Variants in FGD6 observed in about 807,000 individuals in gnomAD.
FGD6 encodes the protein FYVE, RhoGEF and PH domain containing 6.
A neutral mutation model predicts 149.4 loss-of-function variants in FGD6; 90 were observed. The observed-to-expected ratio is 0.60, with a 90% CI of 0.51 to 0.72. The LOEUF is 0.72. Ranked by LOEUF, FGD6 falls within the 30% of genes least tolerant of loss-of-function variation. The probability of loss-of-function intolerance (pLI) is 0.00; values close to 1 mark genes in which losing one functional copy is unlikely to be tolerated. For missense variants in FGD6, 1,437 were observed against 1,684.8 expected, an observed-to-expected ratio of 0.85 and a Z score of 2.57; for synonymous variants, 527 against 584.0, an observed-to-expected ratio of 0.90 and a Z score of 1.41.
chr12:95,136,078 G>A (rs145508316), intron 7 of FGD6, among the ~76,000 whole-genome samples: 1,552 of 152,116 alleles, frequency 0.01, 28 homozygotes, highest in African/African-American at 0.035. Flanking sequence ...TTTTCATTTT[G>A]GTTGGGTGAG....
At chr12:95,148,076 C>A (rs1422729222) in intron 5 of FGD6, among the ~76,000 whole-genome samples, 1 of 152,012 alleles carries the variant, frequency 6.6e-6, no homozygotes, top group Non-Finnish European at 1.5e-5. Flanking sequence ...AAGAACAGTT[C>A]TCACATGAAA....
intron 6 of FGD6, among the ~76,000 whole-genome samples, chr12:95,141,174 G>C (rs994548818): frequency 1.3e-5 from 2 of 152,202 alleles, no homozygotes; most frequent in African/African-American, 4.8e-5. Flanking sequence ...AGTGAGCCGA[G>C]ATTGTGCCAC....
At chr12:95,181,179 A>C (rs1881272625) in intron 2 of FGD6, among the ~76,000 whole-genome samples, 1 of 152,204 alleles carries the variant, frequency 6.6e-6, no homozygotes, top group African/African-American at 2.4e-5. Context: ...AAAAGAAGTC[A>C]GTAGAGGGAT....
chr12:95,155,591 G>C (rs1880445806), intron 3 of FGD6, among the ~76,000 whole-genome samples: 1 of 152,158 alleles, frequency 6.6e-6, no homozygotes, highest in Non-Finnish European at 1.5e-5. Flanking sequence ...CAAGAAGTCA[G>C]AGAACTATAG....
At chr12:95,194,485 T>C (rs1445148202) in intron 2 of FGD6, among the ~76,000 whole-genome samples, 1 of 152,284 alleles carries the variant, frequency 6.6e-6, no homozygotes, top group African/African-American at 2.4e-5. Context: ...TCTGCCCACC[T>C]CAGCTTCCCA....
At chr12:95,135,202 A>G (rs1879634322) in intron 7 of FGD6, among the ~76,000 whole-genome samples, 1 of 152,224 alleles carries the variant, frequency 6.6e-6, no homozygotes, top group Non-Finnish European at 1.5e-5. Flanking sequence ...AAGGAAATGC[A>G]TGGCCCCTAA....
chr12:95,149,299 AATATATTATAT>A (rs1880206541), intron 5 of FGD6, among the ~76,000 whole-genome samples: 1 of 74,102 alleles, frequency 1.3e-5, no homozygotes, highest in Non-Finnish European at 2.5e-5. Flanking sequence ...TATTATATAT[AATATATTATAT>A]TATATAGCAT....
intron 5 of FGD6, among the ~76,000 whole-genome samples, chr12:95,143,232 A>G (rs1879905274): frequency 6.6e-6 from 1 of 151,876 alleles, no homozygotes; most frequent in Non-Finnish European, 1.5e-5. Flanking sequence ...GTTCCTTCCA[A>G]TGATCCTTTC....
intron 3 of FGD6, among the ~76,000 whole-genome samples, chr12:95,155,046 G>A (rs967208918): frequency 2.6e-5 from 4 of 151,878 alleles, no homozygotes; most frequent in Admixed American, 1.3e-4. Flanking sequence ...ATAGATGCAG[G>A]TTTAACAATG....
At chr12:95,211,817 C>T (rs1006778762) in intron 1 of FGD6, among the ~76,000 whole-genome samples, 4 of 152,116 alleles carry the variant, frequency 2.6e-5, no homozygotes, top group Admixed American at 2.0e-4. Context: ...GGATTATAGG[C>T]GTGAGCCACC....
intron 3 of FGD6, among the ~76,000 whole-genome samples, chr12:95,157,600 A>T (rs1303890189): frequency 6.6e-6 from 1 of 150,838 alleles, no homozygotes; most frequent in African/African-American, 2.4e-5. Context: ...AAATACTGTT[A>T]TGCAAAAAAT....
chr12:95,171,477 T>C (rs1476952399), intron 3 of FGD6, among the ~76,000 whole-genome samples: 1 of 152,184 alleles, frequency 6.6e-6, no homozygotes. Flanking sequence ...GAGATAAATA[T>C]ATTCATGCCA....
chr12:95,162,981 C>G (rs535302874), intron 3 of FGD6, among the ~76,000 whole-genome samples: 1 of 152,306 alleles, frequency 6.6e-6, no homozygotes, highest in East Asian at 1.9e-4. Flanking sequence ...TCTGTGTTTA[C>G]CCCACTGCAA....
At chr12:95,207,037 G>GC (rs1464887239) in intron 2 of FGD6, among the ~76,000 whole-genome samples, 2 of 148,540 alleles carry the variant, frequency 1.3e-5, no homozygotes, top group African/African-American at 5.0e-5. Flanking sequence ...CTTTGGCTGT[G>GC]CCCCCACCCA....
chr12:95,101,005 G>C, intron 14 of FGD6: 1 of 328,002 alleles, frequency 3.0e-6, no homozygotes, highest in Non-Finnish European at 5.9e-6. Context: ...GCTGACAGCG[G>C]AAGAGAGGTT....
chr12:95,142,635 T>C (rs988001391), intron 5 of FGD6, among the ~76,000 whole-genome samples: 4 of 152,220 alleles, frequency 2.6e-5, no homozygotes, highest in African/African-American at 9.7e-5. Flanking sequence ...ATTTACTGTG[T>C]TTCCTTGGGC....
chr12:95,150,013 C>T (rs1196685404), intron 5 of FGD6, among the ~76,000 whole-genome samples: 1 of 147,462 alleles, frequency 6.8e-6, no homozygotes, highest in African/African-American at 2.5e-5. Context: ...CACACACACA[C>T]ACACACACAC....
intron 20 of FGD6, 94 bp downstream of exon 20, chr12:95,084,404 G>T (rs918559106): frequency 1.9e-6 from 2 of 1,026,482 alleles, no homozygotes; most frequent in Non-Finnish European, 1.4e-6. Context: ...TAAATTTTGA[G>T]TTGTCCCCAT....
chr12:95,082,984 T>TAAAAAA, intron 20 of FGD6, among the ~76,000 whole-genome samples: 6 of 31,128 alleles, frequency 1.9e-4, no homozygotes, highest in Admixed American at 6.4e-4. Context: ...CTGTCTCCAT[T>TAAAAAA]AAAAAAAAAA....
Sources: allele counts gnomAD v4.1 joint callset (sites outside exome capture counted in the v4.1 genomes callset), GRCh38; gene constraint gnomAD v4.1.1; transcripts MANE v1.5; gene names NCBI Gene and HGNC (gene_info 2026-07-23, HGNC 2026-07-21).